PCDH7: variants seen among roughly 807,000 people sequenced by gnomAD.
The protein encoded by PCDH7 is protocadherin-7.
A neutral mutation model predicts 58.9 loss-of-function variants in PCDH7; 17 were observed. The observed-to-expected ratio is 0.29, with a 90% confidence interval of 0.20 to 0.43. The LOEUF (loss-of-function observed/expected upper bound fraction) is 0.43, where lower values mean the gene tolerates loss of function less well. PCDH7 is among the 20% of genes least tolerant of loss of function. The pLI, the probability that PCDH7 is intolerant of heterozygous loss-of-function variation, is 1.00. For missense variants in PCDH7, 1,274 were observed against 1,441.0 expected, an observed-to-expected ratio of 0.88 and a Z score of 1.88; for synonymous variants, 664 against 616.4, an observed-to-expected ratio of 1.08 and a Z score of -1.14.
At chr4:30,885,593 A>C (rs1248472245) in intron 1 of PCDH7, among the ~76,000 whole-genome samples, 1 of 152,074 alleles carries the variant, frequency 6.6e-6, no homozygotes, top group Non-Finnish European at 1.5e-5. Flanking sequence ...GCTACCAATG[A>C]CTTTCTTCAA....
Position 31,068,540 on chromosome 4 carries a change from G to A in PCDH7, c.*8-73933G>A, listed in dbSNP as rs149225914. On this transcript the variant is annotated intron_variant, in intron 3 of 3. Coordinates refer to the PCDH7 transcript ENST00000509759. ...ATCTGACACTTCTCTGGTGAAGTGC[G>A]TTATTCTGCTGCAGAGTAAATTGCT... 1.3e-3 allele frequency among the ~76,000 whole-genome samples: 204 copies of A among 152,034 alleles called. 5 individuals are homozygous for A. The South Asian group carries it at 0.024, about 18-fold the overall frequency.
chr4:31,046,627 A>G (rs1756314051), intron 3 of PCDH7, among the ~76,000 whole-genome samples: 1 of 152,060 alleles, frequency 6.6e-6, no homozygotes, highest in African/African-American at 2.4e-5. Flanking sequence ...AGCATTTCCA[A>G]AAGTATACAC....
chr4:31,068,993 G>A (rs970101259), intron 3 of PCDH7, among the ~76,000 whole-genome samples: 3 of 151,992 alleles, frequency 2.0e-5, no homozygotes, highest in Non-Finnish European at 4.4e-5. Context: ...GAAATGTTGA[G>A]GGTAACAGAA....
intron 1 of PCDH7, among the ~76,000 whole-genome samples, chr4:30,759,035 A>AGGTTCAAGTGATTCTT (rs1719691495): frequency 7.2e-6 from 1 of 139,714 alleles, no homozygotes; most frequent in African/African-American, 2.7e-5. Context: ...TCCGCCTCCC[A>AGGTTCAAGTGATTCTT]GGTTCAAGTG....
At chr4:30,861,682 C>T (rs780787771) in intron 1 of PCDH7, among the ~76,000 whole-genome samples, 1 of 152,104 alleles carries the variant, frequency 6.6e-6, no homozygotes, top group Admixed American at 6.6e-5. Context: ...TCTTAGGAAG[C>T]TTTGCTTTTG....
chr4:30,841,139 A>C (rs1731162687), intron 1 of PCDH7, among the ~76,000 whole-genome samples: 1 of 152,172 alleles, frequency 6.6e-6, no homozygotes, highest in Non-Finnish European at 1.5e-5. Flanking sequence ...CTGTAAAAGA[A>C]ACAGAATTAA....
chr4:30,897,052 C>G (rs1282313056), intron 1 of PCDH7, among the ~76,000 whole-genome samples: 1 of 151,606 alleles, frequency 6.6e-6, no homozygotes, highest in Non-Finnish European at 1.5e-5. Flanking sequence ...CTACAGGCGC[C>G]CACCACCATG....
chr4:30,825,598 T>G (rs901709173), intron 1 of PCDH7, among the ~76,000 whole-genome samples: 20 of 152,138 alleles, frequency 1.3e-4, no homozygotes, highest in African/African-American at 4.8e-4. Context: ...ACTGCTGCAT[T>G]ACTGTGATGG....
chr4:30,726,631 G>A (rs576980678), intron 1 of PCDH7, among the ~76,000 whole-genome samples: 6 of 152,076 alleles, frequency 3.9e-5, no homozygotes, highest in African/African-American at 1.4e-4. Context: ...CATTCCAAAA[G>A]AGAAAACCCT....
At chr4:30,787,516 A>G (rs571999033) in intron 1 of PCDH7, among the ~76,000 whole-genome samples, 1 of 152,106 alleles carries the variant, frequency 6.6e-6, no homozygotes, top group East Asian at 1.9e-4. Flanking sequence ...TATGTCACAG[A>G]CATTTTACAC....
chr4:30,753,704 G>T, intron 1 of PCDH7, among the ~76,000 whole-genome samples: 1 of 152,090 alleles, frequency 6.6e-6, no homozygotes, highest in East Asian at 1.9e-4. Flanking sequence ...TCTTATTCTT[G>T]TGAAGCTTAC....
chr4:31,125,107 T>C lies in PCDH7; in HGVS notation c.*8-17366T>C, dbSNP rs976907602. Among the ~76,000 whole-genome samples the C allele has an allele frequency of 2.6e-5, 4 of 152,150 alleles. No homozygotes were observed. In the South Asian group the frequency reaches 8.3e-4, roughly 32 times the overall value. On this transcript the variant is annotated intron_variant, in intron 3 of 3. Coordinates refer to the PCDH7 transcript ENST00000509759. The stretch of plus-strand genomic sequence containing the variant: ...TAGCTGAATATGGCTTTAATGATAG[T>C]GGAAATTTGAGGCTTTTTACCAACA...
chr4:30,810,816 G>T (rs1010172291), intron 1 of PCDH7, among the ~76,000 whole-genome samples: 1 of 152,158 alleles, frequency 6.6e-6, no homozygotes, highest in African/African-American at 2.4e-5. Context: ...CACCATGTTG[G>T]CCAGGGTGGT....
chr4:31,100,328 A>G lies in PCDH7; in HGVS notation c.*8-42145A>G, dbSNP rs185178334. Among the ~76,000 whole-genome samples the G allele has an allele frequency of 4.6e-5, 7 of 152,330 alleles. No homozygotes were observed. In the East Asian group the frequency reaches 1.2e-3, roughly 25 times the overall value. On this transcript the variant is annotated intron_variant, in intron 3 of 3. Transcript: ENST00000509759. Reference sequence around the variant, plus strand: ...TGAGAGATTATTTAAGTCAGCATCAAACAAAAATGTAAAAGAATGACCACA... The same window carrying G: ...TGAGAGATTATTTAAGTCAGCATCAGACAAAAATGTAAAAGAATGACCACA...
At chr4:31,107,564 G>A (rs73218830) in intron 3 of PCDH7, among the ~76,000 whole-genome samples, 4,591 of 152,282 alleles carry the variant, frequency 0.03, 118 homozygotes, top group Non-Finnish European at 0.046. Flanking sequence ...GATAAGAGAT[G>A]TCAGTATAAT....
rs191525163 is a variant in PCDH7, at chr4:30,766,810, T to C, written c.70+42214T>C. On this transcript the variant is annotated intron_variant, in intron 1 of 3. Coordinates refer to the PCDH7 transcript ENST00000509759. ...TTCTTAAATGTTACATCTGATTTATTTGTATTATAGTTACTGTCATTTTTA... is the reference window on the plus strand; with the variant it reads ...TTCTTAAATGTTACATCTGATTTATCTGTATTATAGTTACTGTCATTTTTA... 1.2e-4 allele frequency among the ~76,000 whole-genome samples: 19 copies of C among 152,298 alleles called. No individual in the cohort carries two copies. The East Asian group carries it at 3.3e-3, about 26-fold the overall frequency.
chr4:31,030,792 A>G lies in PCDH7; in HGVS notation c.*7+80577A>G, dbSNP rs73815164. On this transcript the variant is annotated intron_variant, in intron 3 of 3. Transcript: ENST00000509759. ...AGAACTTGTCTATACCATTCTTCAG[A>G]TTGGTGAACATTAATCATGTTTTGC... 3.3e-3 allele frequency among the ~76,000 whole-genome samples: 503 copies of G among 152,308 alleles called. 3 individuals carry two copies. Among genetic ancestry groups the G allele is most frequent in the African/African-American group, 0.012 (487 of 41,568 alleles).
intron 3 of PCDH7, among the ~76,000 whole-genome samples, chr4:31,082,634 A>T (rs1053890362): frequency 2.6e-5 from 4 of 152,192 alleles, no homozygotes; most frequent in African/African-American, 9.7e-5. Context: ...AGCAACTTGG[A>T]TGGAGCTGGA....
chr4:30,943,730 T>C (rs1578372124), intron 2 of PCDH7, among the ~76,000 whole-genome samples: 1 of 152,144 alleles, frequency 6.6e-6, no homozygotes, highest in East Asian at 1.9e-4. Context: ...TGCTGTTTTT[T>C]TTTTTTTAGC....
Sources: gnomAD v4.1 joint callset for allele counts (sites outside exome capture counted in the v4.1 genomes callset) on GRCh38, gnomAD v4.1.1 for gene constraint, MANE v1.5 for transcripts, NCBI Gene and HGNC (gene_info 2026-07-23, HGNC 2026-07-21) for gene names.